DPY19L2: variants seen among roughly 807,000 people sequenced by gnomAD.
The protein encoded by DPY19L2 is dpy-19 like 2.
A neutral mutation model predicts 97.9 loss-of-function variants in DPY19L2; 34 were observed. The observed-to-expected ratio is 0.35, with a 90% confidence interval of 0.26 to 0.46. The LOEUF (loss-of-function observed/expected upper bound fraction) is 0.46. Ranked by LOEUF, DPY19L2 falls within the 20% of genes least tolerant of loss-of-function variation. DPY19L2 has a pLI of 1.00. For missense variants in DPY19L2, 623 were observed against 911.4 expected, an observed-to-expected ratio of 0.68 and a Z score of 4.07; for synonymous variants, 230 against 307.9, an observed-to-expected ratio of 0.75 and a Z score of 2.65.
intron 19 of DPY19L2, among the ~76,000 whole-genome samples, chr12:63,572,061 A>G (rs1878968111): frequency 6.6e-6 from 1 of 152,178 alleles, no homozygotes; most frequent in Admixed American, 6.5e-5. Flanking sequence ...CATAAGAACC[A>G]AAAATCAGCT....
chr12:63,582,674 A>G, intron 17 of DPY19L2, 149 bp from the exon 18 acceptor site: 1 of 910,820 alleles, frequency 1.1e-6, no homozygotes, highest in East Asian at 2.8e-5. Flanking sequence ...AATTTATCGA[A>G]TGTCTACTAT....
intron 9 of DPY19L2, among the ~76,000 whole-genome samples, chr12:63,619,095 T>C (rs1888278961): frequency 2.0e-5 from 3 of 152,004 alleles, no homozygotes; most frequent in Non-Finnish European, 1.5e-5. Flanking sequence ...CTTCAAATGT[T>C]CAAGGAAATA....
intron 6 of DPY19L2, among the ~76,000 whole-genome samples, chr12:63,637,678 T>C (rs1404140358): frequency 6.6e-6 from 1 of 152,088 alleles, no homozygotes; most frequent in African/African-American, 2.4e-5. Flanking sequence ...AATCCCTGAA[T>C]AGACCAATAA....
intron 21 of DPY19L2, among the ~76,000 whole-genome samples, chr12:63,561,479 A>T (rs1876496304): frequency 6.6e-6 from 1 of 152,088 alleles, no homozygotes; most frequent in Non-Finnish European, 1.5e-5. Flanking sequence ...TCTGCACTAT[A>T]GTTTTGCTTT....
chr12:63,615,296 AC>A (rs1391999607), intron 11 of DPY19L2, among the ~76,000 whole-genome samples: 1 of 152,188 alleles, frequency 6.6e-6, no homozygotes, highest in Non-Finnish European at 1.5e-5. Context: ...CATTTACTTT[AC>A]TTCTCCTAAA....
At chr12:63,622,430 G>A (rs1009247607) in intron 8 of DPY19L2, among the ~76,000 whole-genome samples, 22 of 152,118 alleles carry the variant, frequency 1.4e-4, no homozygotes, top group East Asian at 3.9e-4. Flanking sequence ...AAATTCAACC[G>A]CAGAATATAC....
intron 12 of DPY19L2, among the ~76,000 whole-genome samples, chr12:63,602,059 ACCACTGAAT>A: frequency 6.6e-6 from 1 of 152,250 alleles, no homozygotes; most frequent in Non-Finnish European, 1.5e-5. Context: ...TGAAATCCAC[ACCACTGAAT>A]GATAAAATCT....
intron 16 of DPY19L2, among the ~76,000 whole-genome samples, chr12:63,591,335 C>CA (rs1882867500): frequency 6.6e-6 from 1 of 152,020 alleles, no homozygotes; most frequent in Non-Finnish European, 1.5e-5. Flanking sequence ...GTAGAAGTCA[C>CA]AAAATAAAAT....
intron 6 of DPY19L2, among the ~76,000 whole-genome samples, chr12:63,638,156 T>C (rs1267769146): frequency 1.3e-5 from 2 of 152,044 alleles, no homozygotes; most frequent in South Asian, 2.1e-4. Flanking sequence ...CAAAATTCCA[T>C]AGTCCTTCAT....
intron 8 of DPY19L2, among the ~76,000 whole-genome samples, chr12:63,622,712 G>C (rs920556933): frequency 1.3e-5 from 2 of 152,098 alleles, no homozygotes; most frequent in East Asian, 3.9e-4. Context: ...GATCACTTGA[G>C]GTCAGGAGTT....
At chr12:63,594,468 T>A (rs1372050649) in intron 15 of DPY19L2, among the ~76,000 whole-genome samples, 1 of 142,190 alleles carries the variant, frequency 7.0e-6, no homozygotes, top group Non-Finnish European at 1.5e-5. Flanking sequence ...AGAGATAGTG[T>A]GTGTGTGTGT....
At position 63,668,318 on chromosome 12, in the gene DPY19L2, AG is replaced by A; in HGVS notation, c.75del (p.Ser26ProfsTer8). 2 of 1,613,800 alleles carry A rather than the reference AG, an allele frequency of 1.2e-6. No homozygotes were observed. The highest frequency in any genetic ancestry group is 1.7e-6 in the Non-Finnish European group (2 of 1,179,910). On this transcript the variant is annotated frameshift_variant, in exon 1 of 22. Transcript: ENST00000324472. LOFTEE classifies it high-confidence loss of function. ...TCTACCTCCGGCTCCCGGGCGAGGG[AG>A]GCCCCGCGCCGCCCCTTAGACTGGC... is the stretch of plus-strand genomic sequence containing the variant. Reference protein sequence around the residue: ...GRSQSKGRRGASLAREPEVEE... With the variant: ...GRSQSKGRRGXSLAREPEVEE...
intron 6 of DPY19L2, among the ~76,000 whole-genome samples, chr12:63,630,745 C>T (rs955189789): frequency 2.6e-5 from 4 of 152,040 alleles, no homozygotes; most frequent in Admixed American, 2.6e-4. Context: ...ACTCTCCATC[C>T]CAAATCAACA....
chr12:63,578,347 G>C (rs928570133), intron 19 of DPY19L2, among the ~76,000 whole-genome samples: 4 of 152,088 alleles, frequency 2.6e-5, no homozygotes, highest in African/African-American at 9.7e-5. Flanking sequence ...AGTGAGGATG[G>C]TTAATGTGCA....
At chr12:63,636,357 C>A (rs1278260242) in intron 6 of DPY19L2, among the ~76,000 whole-genome samples, 19 of 152,090 alleles carry the variant, frequency 1.2e-4, no homozygotes, top group Non-Finnish European at 2.8e-4. Flanking sequence ...TGCTAGGAAG[C>A]AACTGCATCA....
At chr12:63,650,601 T>C (rs1352696472) in intron 4 of DPY19L2, among the ~76,000 whole-genome samples, 1 of 151,898 alleles carries the variant, frequency 6.6e-6, no homozygotes, top group East Asian at 1.9e-4. Flanking sequence ...TAAAAAAACT[T>C]ATAAAAGAAT....
chr12:63,646,798 T>A (rs2138150953), intron 5 of DPY19L2, among the ~76,000 whole-genome samples: 1 of 152,308 alleles, frequency 6.6e-6, no homozygotes, highest in South Asian at 2.1e-4. Flanking sequence ...TCATGGACTA[T>A]GAGCATATAT....
chr12:63,638,114 AT>A (rs1310806819), intron 6 of DPY19L2, among the ~76,000 whole-genome samples: 1 of 152,148 alleles, frequency 6.6e-6, no homozygotes, highest in Admixed American at 6.5e-5. Context: ...AAACCACATG[AT>A]TATCTCAATA....
At chr12:63,593,359 T>C (rs1293137585) in intron 16 of DPY19L2, among the ~76,000 whole-genome samples, 1 of 152,172 alleles carries the variant, frequency 6.6e-6, no homozygotes, top group Non-Finnish European at 1.5e-5. Flanking sequence ...ATTGCGGCAC[T>C]ATTCACAATA....
Sources: gnomAD v4.1 joint callset for allele counts (sites outside exome capture counted in the v4.1 genomes callset) on GRCh38, gnomAD v4.1.1 for gene constraint, MANE v1.5 for transcripts, NCBI Gene and HGNC (gene_info 2026-07-23, HGNC 2026-07-21) for gene names.